Variants in HDHD2 observed in about 807,000 individuals in gnomAD.
The protein encoded by HDHD2 is haloacid dehalogenase like hydrolase domain containing 2, also known as haloacid dehalogenase-like hydrolase domain-containing protein 2.
A neutral mutation model predicts 24.8 loss-of-function variants in HDHD2; 26 were observed. That is an observed-to-expected ratio of 1.05 (90% CI 0.77 to 1.45). The LOEUF is 1.45. Ranked by LOEUF, HDHD2 falls within the 40% of genes most tolerant of loss-of-function variation. The probability of loss-of-function intolerance (pLI) is 0.00; values close to 1 mark genes in which losing one functional copy is unlikely to be tolerated. For synonymous variants in HDHD2, 128 were observed against 114.9 expected (o/e 1.11, Z -0.73); for missense variants, 299 against 313.4 (o/e 0.95, Z 0.35).
In HDHD2 at chr18:47,115,228, G is replaced by C; in HGVS notation, c.516C>G (p.Thr172=). The stretch of plus-strand genomic sequence containing the variant: ...CTGGTTTCCCCACGACTGTGGCTTT[G>C]GTATCTGTGGCATACTCTAAAGCAG... ...FVTALEYATD[T]KATVVGKPEK... The change falls in exon 5 of 7, where the codon ACC becomes ACG. Residue 172 remains threonine, a synonymous_variant. Transcript: ENST00000300605. 1 of 1,613,996 alleles carries C rather than the reference G, an allele frequency of 6.2e-7. No individual in the cohort carries two copies. The highest frequency in any genetic ancestry group is 8.5e-7 in the Non-Finnish European group (1 of 1,179,920).
chr18:47,132,735 CCT>C (rs1180100252), intron 3 of HDHD2, among the ~76,000 whole-genome samples: 1 of 152,166 alleles, frequency 6.6e-6, no homozygotes, highest in Non-Finnish European at 1.5e-5. Flanking sequence ...CTCTAAGTAT[CCT>C]CTCTGAAAAG....
chr18:47,111,306 C>A, intron 6 of HDHD2: 1 of 983,268 alleles, frequency 1.0e-6, no homozygotes, highest in Non-Finnish European at 1.2e-6. Flanking sequence ...GAGCTGGGCC[C>A]ATCAAGACAC....
chr18:47,141,568 A>G (rs2063819802), intron 1 of HDHD2, among the ~76,000 whole-genome samples: 1 of 152,180 alleles, frequency 6.6e-6, no homozygotes, highest in East Asian at 1.9e-4. Flanking sequence ...GATTTACTCA[A>G]TCATTTATTT....
At chr18:47,133,497 T>TTGGGTAGATACCCAG (rs570277112) in intron 3 of HDHD2, among the ~76,000 whole-genome samples, 1 of 104,466 alleles carries the variant, frequency 9.6e-6, no homozygotes, top group African/African-American at 3.5e-5. Flanking sequence ...TTATAGTCCT[T>TTGGGTAGATACCCAG]TAATGGGATG....
chr18:47,130,260 G>C lies in HDHD2; in HGVS notation c.379C>G (p.Leu127Val), dbSNP rs1163623565. The part of the protein sequence containing the change: ...LAPEHFHYQI[L>V]NQAFRLLLDG... ...TAGGTTTACCGGAATGCTTGATTCAGAATTTGATAATGAAAATGTTCTGGT... is the reference window on the plus strand; with the variant it reads ...TAGGTTTACCGGAATGCTTGATTCACAATTTGATAATGAAAATGTTCTGGT... The change falls in exon 4 of 7, where the codon CTG becomes GTG. Residue 127 changes from leucine to valine, a missense_variant. Coordinates refer to ENST00000300605, the MANE Select transcript of HDHD2 (RefSeq NM_032124.5). The C allele has an allele frequency of 1.3e-6, 2 of 1,597,052 alleles. No homozygotes were observed. Among genetic ancestry groups the C allele is most frequent in the African/African-American group, 2.7e-5 (2 of 74,402 alleles).
chr18:47,141,001 A>G (rs1311199342), intron 1 of HDHD2, among the ~76,000 whole-genome samples: 7 of 152,096 alleles, frequency 4.6e-5, no homozygotes, highest in Non-Finnish European at 5.9e-5. Flanking sequence ...CTAGTTAGGA[A>G]CTCCATAATT....
intron 1 of HDHD2, among the ~76,000 whole-genome samples, chr18:47,143,093 C>A (rs1159276684): frequency 6.6e-6 from 1 of 151,900 alleles, no homozygotes. Context: ...AGATATACAA[C>A]AGGAATAAAA....
intron 3 of HDHD2, among the ~76,000 whole-genome samples, chr18:47,132,014 T>C (rs765032793): frequency 6.6e-6 from 1 of 152,220 alleles, no homozygotes; most frequent in Admixed American, 6.5e-5. Flanking sequence ...AAAGTCAAAA[T>C]TATGTAATGG....
intron 4 of HDHD2, among the ~76,000 whole-genome samples, chr18:47,127,922 TATTGTC>T (rs1454642279): frequency 1.3e-5 from 2 of 152,218 alleles, no homozygotes; most frequent in Non-Finnish European, 2.9e-5. Context: ...ATCCAATGTT[TATTGTC>T]ATTATCAGCC....
At chr18:47,147,990 CTT>C (rs11390608) in intron 1 of HDHD2, among the ~76,000 whole-genome samples, 17 of 137,936 alleles carry the variant, frequency 1.2e-4, no homozygotes, top group Admixed American at 2.9e-4. Context: ...TTTTTTCTTT[CTT>C]TTTTTTTTTT....
chr18:47,115,352 G>T lies in HDHD2; in HGVS notation c.396-4C>A. 2 of 1,606,860 alleles carry T rather than the reference G, an allele frequency of 1.2e-6. No homozygotes were observed. The highest frequency in any genetic ancestry group is 1.1e-5 in the South Asian group (1 of 89,800). On this transcript the variant is annotated splice_polypyrimidine_tract_variant and splice_region_variant and intron_variant, in intron 4 of 6. Transcript: ENST00000300605. ...AGGTGCTCCATCCAGGAGTAACCTA[G>T]AGAGAACAACAACAAAAAAAACAAA...
At chr18:47,111,609 G>A (rs1244476344) in intron 6 of HDHD2, 1 of 985,160 alleles carries the variant, frequency 1.0e-6, no homozygotes, top group Non-Finnish European at 1.2e-6. Context: ...TGATCATTTT[G>A]ACTGAGACAT....
In HDHD2 at chr18:47,134,610, C is replaced by T; in HGVS notation, c.196G>A (p.Asp66Asn). Residue 66 changes from aspartate to asparagine, a missense_variant, in exon 3 of 7, where the codon GAT (aspartate) becomes AAT (asparagine). Physicochemically the swap from Asp to Asn is conservative, Grantham distance 23 (BLOSUM62 1). Coordinates refer to ENST00000300605, the MANE Select transcript of HDHD2 (RefSeq NM_032124.5). ...GTGAATATTTCATCTTCAGAGATAT[C>T]AAATTCCAATTTTCTCAACCTTTCT... ...LLERLRKLEF[D>N]ISEDEIFTSL... 1 of 1,614,030 alleles carries T rather than the reference C, an allele frequency of 6.2e-7. No individual in the cohort carries two copies. Among genetic ancestry groups the T allele is most frequent in the South Asian group, 1.1e-5 (1 of 91,076 alleles).
chr18:47,132,236 T>C (rs529815834), intron 3 of HDHD2, among the ~76,000 whole-genome samples: 1 of 152,336 alleles, frequency 6.6e-6, no homozygotes, highest in South Asian at 2.1e-4. Flanking sequence ...TAATATATCC[T>C]ATGCAGAGCA....
At chr18:47,137,782 T>A (rs2063780212) in intron 1 of HDHD2, among the ~76,000 whole-genome samples, 1 of 151,914 alleles carries the variant, frequency 6.6e-6, no homozygotes, top group African/African-American at 2.4e-5. Context: ...TATAGGGCAA[T>A]CTGTCTTTAA....
intron 4 of HDHD2, among the ~76,000 whole-genome samples, chr18:47,117,212 T>TG (rs2063564734): frequency 6.6e-6 from 1 of 152,152 alleles, no homozygotes; most frequent in African/African-American, 2.4e-5. Context: ...CCCCAATACT[T>TG]GGAGTATTTT....
chr18:47,134,458 T>A (rs762414262), intron 3 of HDHD2, 38 bp downstream of exon 3: 5 of 1,398,906 alleles, frequency 3.6e-6, no homozygotes, highest in Non-Finnish European at 5.1e-6. Context: ...TAAGTACATA[T>A]AAATATCCAA....
At chr18:47,123,776 T>C (rs2063629950) in intron 4 of HDHD2, among the ~76,000 whole-genome samples, 1 of 152,156 alleles carries the variant, frequency 6.6e-6, no homozygotes, top group South Asian at 2.1e-4. Context: ...CTGGAAGATA[T>C]ATTATTGTAC....
chr18:47,122,950 A>G (rs1219252889), intron 4 of HDHD2, among the ~76,000 whole-genome samples: 1 of 152,216 alleles, frequency 6.6e-6, no homozygotes, highest in Non-Finnish European at 1.5e-5. Flanking sequence ...TGACCTAGTA[A>G]GAAATACTCA....
Sources: gnomAD v4.1 joint callset for allele counts (sites outside exome capture counted in the v4.1 genomes callset) on GRCh38, gnomAD v4.1.1 for gene constraint, MANE v1.5 for transcripts, NCBI Gene and HGNC (gene_info 2026-07-23, HGNC 2026-07-21) for gene names.